Variants in EXOC2 observed in about 807,000 individuals in gnomAD.
EXOC2 encodes SEC5-like 1.
EXOC2 carries 70 observed loss-of-function variants against 131.8 expected under a neutral mutation model. That is an observed-to-expected ratio of 0.53 (90% CI 0.44 to 0.65). The LOEUF (loss-of-function observed/expected upper bound fraction) is 0.65. EXOC2 is among the 30% of genes least tolerant of loss of function. The pLI, the probability that EXOC2 is intolerant of heterozygous loss-of-function variation, is 0.00. For missense variants in EXOC2, 923 were observed against 1,108.6 expected (o/e 0.83, Z 2.38); for synonymous variants, 411 against 398.4 (o/e 1.03, Z -0.38).
In EXOC2 at chr6:666,765, T is replaced by C. The variant is rs1469567924; in HGVS notation, c.-44+26254A>G. Among the ~76,000 whole-genome samples, 7 of 97,412 alleles carry C rather than the reference T, an allele frequency of 7.2e-5. 3 individuals carry two copies. The highest frequency in any genetic ancestry group is 2.1e-4 in the African/African-American group (7 of 32,846). 63.9% of individuals were successfully genotyped at this position (97,412 alleles called of 152,430 possible). ...CATTCTATGAGTTTTGACAAATGTA[T>C]AACTTATCATTACATGTATCCAACA... On this transcript the variant is annotated intron_variant, in intron 1 of 27. Coordinates refer to ENST00000230449, the MANE Select transcript of EXOC2 (RefSeq NM_018303.6).
intron 1 of EXOC2, among the ~76,000 whole-genome samples, chr6:662,375 C>G (rs534224823): frequency 4.6e-5 from 7 of 152,316 alleles, no homozygotes; most frequent in South Asian, 4.1e-4. Context: ...GCACATGGAA[C>G]TTTCTCCAAG....
At chr6:582,438 G>A (rs1229013567) in intron 11 of EXOC2, among the ~76,000 whole-genome samples, 5 of 151,958 alleles carry the variant, frequency 3.3e-5, no homozygotes, top group Middle Eastern at 3.4e-3. Flanking sequence ...AAGGGTGGCC[G>A]ACTTCCTCAT....
At chr6:632,640 A>G (rs553373913) in intron 3 of EXOC2, among the ~76,000 whole-genome samples, 8 of 152,360 alleles carry the variant, frequency 5.3e-5, no homozygotes, top group African/African-American at 1.9e-4. Context: ...ATGTCATTAT[A>G]TTCAAGATCA....
chr6:635,766 G>C (rs1368704727), intron 2 of EXOC2, among the ~76,000 whole-genome samples: 1 of 152,214 alleles, frequency 6.6e-6, no homozygotes, highest in Non-Finnish European at 1.5e-5. Context: ...GCATGGTTTA[G>C]AAAAGTAATA....
chr6:493,851 G>C (rs1011261809), intron 25 of EXOC2, among the ~76,000 whole-genome samples: 1 of 152,150 alleles, frequency 6.6e-6, no homozygotes, highest in African/African-American at 2.4e-5. Context: ...AGTAGTTTCT[G>C]GACATGTGTA....
intron 11 of EXOC2, among the ~76,000 whole-genome samples, chr6:589,160 ATGGTGAC>A (rs1417217338): frequency 2.0e-5 from 3 of 152,366 alleles, no homozygotes; most frequent in East Asian, 3.9e-4. Flanking sequence ...TCCAGTGAAT[ATGGTGAC>A]TGCATTCATC....
intron 7 of EXOC2, among the ~76,000 whole-genome samples, chr6:605,850 T>C (rs1217709284): frequency 5.3e-5 from 8 of 152,238 alleles, no homozygotes; most frequent in Non-Finnish European, 8.8e-5. Context: ...GTGCTATAAA[T>C]TTCCCTCTAC....
rs148497103 is a variant in EXOC2, at chr6:546,968, T to C, written c.2238+2207A>G. On this transcript the variant is annotated intron_variant, in intron 22 of 27. Coordinates refer to ENST00000230449, the MANE Select transcript of EXOC2 (RefSeq NM_018303.6). ...CAGTTTTATTCTTTAAGATGCATGG[T>C]GCTGGACCAGAAAGCATTCCGGATT... Among the ~76,000 whole-genome samples the C allele has an allele frequency of 3.0e-4, 45 of 152,332 alleles. 1 individual carries two copies. The highest frequency in any genetic ancestry group is 4.3e-4 in the Non-Finnish European group (29 of 68,026).
intron 4 of EXOC2, among the ~76,000 whole-genome samples, chr6:620,611 T>C (rs1193826645): frequency 6.6e-6 from 1 of 152,146 alleles, no homozygotes; most frequent in Admixed American, 6.5e-5. Context: ...TTAATGTGGG[T>C]AGGTCCGATG....
intron 1 of EXOC2, among the ~76,000 whole-genome samples, chr6:691,059 G>C (rs978530237): frequency 1.3e-5 from 2 of 152,206 alleles, no homozygotes; most frequent in African/African-American, 4.8e-5. Context: ...GCGTAAACTG[G>C]AGAATGAGTG....
At chr6:554,548 G>A (rs920766496) in intron 20 of EXOC2, among the ~76,000 whole-genome samples, 20 of 152,242 alleles carry the variant, frequency 1.3e-4, no homozygotes, top group African/African-American at 3.4e-4. Context: ...TCTCTAGGGA[G>A]GTGATAGTTT....
chr6:587,169 A>T (rs1759253537), intron 11 of EXOC2, among the ~76,000 whole-genome samples: 1 of 152,232 alleles, frequency 6.6e-6, no homozygotes, highest in Non-Finnish European at 1.5e-5. Context: ...TAATTAAGGC[A>T]AATATTTTAT....
At chr6:589,213 C>A (rs142960203) in intron 11 of EXOC2, among the ~76,000 whole-genome samples, 2 of 152,280 alleles carry the variant, frequency 1.3e-5, no homozygotes, top group Admixed American at 6.5e-5. Flanking sequence ...ATTTGTCGAG[C>A]ACCCGCACGG....
chr6:673,915 CTTTT>C (rs773458940), intron 1 of EXOC2, among the ~76,000 whole-genome samples: 1 of 152,026 alleles, frequency 6.6e-6, no homozygotes, highest in Non-Finnish European at 1.5e-5. Flanking sequence ...CTTCATTTTG[CTTTT>C]TTTAAAAAAA....
chr6:630,368 T>G (rs1239108949), intron 3 of EXOC2, among the ~76,000 whole-genome samples: 1 of 152,238 alleles, frequency 6.6e-6, no homozygotes, highest in Non-Finnish European at 1.5e-5. Flanking sequence ...CTATAATATC[T>G]GTTTATTCAA....
At chr6:598,219 G>GCTGA (rs138580349) in intron 9 of EXOC2, 96 bp from the exon 10 acceptor site, 46,396 of 874,806 alleles carry the variant, frequency 0.053, 2,279 homozygotes, top group African/African-American at 0.21. Context: ...TGGGGTGAGG[G>GCTGA]CTAAGAGGCA....
intron 11 of EXOC2, among the ~76,000 whole-genome samples, chr6:579,629 C>T (rs746674031): frequency 3.3e-5 from 5 of 152,174 alleles, no homozygotes; most frequent in African/African-American, 4.8e-5. Flanking sequence ...CCCTAACACT[C>T]GTACTTTTCT....
chr6:614,862 GA>G (rs1263413507), intron 6 of EXOC2, among the ~76,000 whole-genome samples: 1 of 151,850 alleles, frequency 6.6e-6, no homozygotes, highest in Non-Finnish European at 1.5e-5. Flanking sequence ...TATATATTAA[GA>G]AACATATTCT....
intron 1 of EXOC2, among the ~76,000 whole-genome samples, chr6:675,840 C>T (rs867508479): frequency 1.9e-5 from 1 of 52,500 alleles, no homozygotes; most frequent in African/African-American, 5.0e-5. Context: ...TTCAACATTA[C>T]GGAAAGGACA....
Sources: gnomAD v4.1 joint callset for allele counts (sites outside exome capture counted in the v4.1 genomes callset) on GRCh38, gnomAD v4.1.1 for gene constraint, MANE v1.5 for transcripts, NCBI Gene and HGNC (gene_info 2026-07-23, HGNC 2026-07-21) for gene names.